The following ANKRD36 variants were observed in gnomAD, a reference collection of about 807,000 sequenced individuals.
ANKRD36 encodes the protein ankyrin repeat domain-containing protein 36A.
ANKRD36 carries 179 observed loss-of-function variants against 278.1 expected under a neutral mutation model. The observed-to-expected ratio is 0.64, with a 90% CI of 0.57 to 0.73. The LOEUF is 0.73. ANKRD36 is among the 30% of genes least tolerant of loss of function. The pLI is 0.00. For synonymous variants in ANKRD36, 320 were observed against 641.1 expected (o/e 0.50, Z 7.57); for missense variants, 1,159 against 1,956.7 (o/e 0.59, Z 7.69).
Position 97,164,386 on chromosome 2 carries a change from A to G in ANKRD36, c.1459-11A>G. ...TGATATGTTAATCATTATGTTGTCA[A>G]ACCCATTCAGCATACGGTGAAAGAC... On this transcript the variant is annotated splice_polypyrimidine_tract_variant and intron_variant, in intron 19 of 75. Coordinates refer to ENST00000420699, the MANE Select transcript of ANKRD36 (RefSeq NM_001354587.1). 6.5e-7 allele frequency: 1 copy of G among 1,537,640 alleles called. No individual in the cohort carries two copies. Among genetic ancestry groups the G allele is most frequent in the Non-Finnish European group, 8.7e-7 (1 of 1,146,868 alleles).
At position 97,155,113 on chromosome 2, in the gene ANKRD36, A is replaced by C. The variant is rs2047141480; in HGVS notation, c.1260+372A>C. On this transcript the variant is annotated intron_variant, in intron 15 of 75. Coordinates refer to ENST00000420699, the MANE Select transcript of ANKRD36 (RefSeq NM_001354587.1). ...AGTTGTATATCATATGAGTATGACT[A>C]ATAATACCTCTGTTTAAATGAATCT... Among the ~76,000 whole-genome samples the C allele has an allele frequency of 1.4e-5, 2 of 138,408 alleles. 1 individual carries two copies. The highest frequency in any genetic ancestry group is 3.3e-5 in the Non-Finnish European group (2 of 60,160). The allele number at this position is 138,408 out of a possible 152,430, so 90.8% of individuals were successfully genotyped here.
At chr2:97,214,603 TTGA>T (rs1326085025) in intron 60 of ANKRD36, among the ~76,000 whole-genome samples, 3 of 146,938 alleles carry the variant, frequency 2.0e-5, no homozygotes, top group Middle Eastern at 6.9e-3. Context: ...AAATTGATAA[TTGA>T]TGATGCTTTT....
rs554654231 is a variant in ANKRD36, at chr2:97,182,181, A to G, written c.1837+388A>G. Among the ~76,000 whole-genome samples, 5 of 151,498 alleles carry G rather than the reference A, an allele frequency of 3.3e-5. No homozygotes were observed. In the East Asian group the frequency reaches 9.8e-4, roughly 30 times the overall value. On this transcript the variant is annotated intron_variant, in intron 26 of 75. Transcript: ENST00000420699. ...GGGAAATCATGGTAATAACCCATAA[A>G]CACTGTAGAACGAGAGCTAAGGAGA...
intron 66 of ANKRD36, among the ~76,000 whole-genome samples, chr2:97,221,741 G>A (rs1346391312): frequency 1.3e-5 from 2 of 149,734 alleles, no homozygotes; most frequent in African/African-American, 2.5e-5. Context: ...CTGTTCACTC[G>A]GATGGTAGTT....
chr2:97,167,357 G>A (rs1193825405), intron 20 of ANKRD36, among the ~76,000 whole-genome samples: 1 of 151,818 alleles, frequency 6.6e-6, no homozygotes, highest in Non-Finnish European at 1.5e-5. Context: ...TTTCTTCAGG[G>A]TACACCATAG....
At chr2:97,211,773 C>G in intron 58 of ANKRD36, 32 bp downstream of exon 58, 1 of 1,548,844 alleles carries the variant, frequency 6.5e-7, no homozygotes, top group Non-Finnish European at 8.7e-7. Flanking sequence ...ATATGATGTT[C>G]GGTCAGGGTA....
intron 67 of ANKRD36, among the ~76,000 whole-genome samples, chr2:97,231,714 C>T (rs2072178371): frequency 6.6e-6 from 1 of 152,104 alleles, no homozygotes; most frequent in Non-Finnish European, 1.5e-5. Context: ...CAGAAACCAC[C>T]CATCTTCTGC....
At chr2:97,138,191 A>C (rs1203193688) in intron 6 of ANKRD36, among the ~76,000 whole-genome samples, 2 of 152,106 alleles carry the variant, frequency 1.3e-5, no homozygotes, top group Non-Finnish European at 2.9e-5. Flanking sequence ...TATATTTAGA[A>C]AAACAAATTG....
intron 6 of ANKRD36, among the ~76,000 whole-genome samples, chr2:97,132,062 T>C (rs1156805701): frequency 6.6e-6 from 1 of 151,890 alleles, no homozygotes; most frequent in African/African-American, 2.4e-5. Flanking sequence ...CTCCTGACCT[T>C]GTGATCTGCC....
chr2:97,229,706 T>C (rs2071221902), intron 67 of ANKRD36, among the ~76,000 whole-genome samples: 12 of 152,088 alleles, frequency 7.9e-5, no homozygotes, highest in Admixed American at 7.9e-4. Context: ...ATTTTGCTAA[T>C]TAGTTAATGC....
chr2:97,210,962 TG>T (rs1216690024), intron 56 of ANKRD36, among the ~76,000 whole-genome samples: 2 of 151,868 alleles, frequency 1.3e-5, no homozygotes, highest in East Asian at 2.0e-4. Flanking sequence ...TTACACCACA[TG>T]GGGGTGAGAG....
intron 13 of ANKRD36, 56 bp downstream of exon 13, chr2:97,151,995 T>C: frequency 7.5e-7 from 1 of 1,336,478 alleles, no homozygotes; most frequent in South Asian, 1.4e-5. Context: ...ATTTGTTTTT[T>C]TTTTTTCTTT....
chr2:97,181,260 C>T (rs149677496), intron 24 of ANKRD36, among the ~76,000 whole-genome samples: 2 of 151,774 alleles, frequency 1.3e-5, no homozygotes, highest in East Asian at 3.9e-4. Flanking sequence ...CATATACCAC[C>T]TGCTTTGACA....
At chr2:97,130,481 G>T (rs953035414) in intron 6 of ANKRD36, among the ~76,000 whole-genome samples, 1 of 151,040 alleles carries the variant, frequency 6.6e-6, no homozygotes, top group Admixed American at 6.7e-5. Flanking sequence ...AACATTAGGA[G>T]ATCTACCTAA....
chr2:97,203,314 A>G (rs1367975895), intron 48 of ANKRD36, among the ~76,000 whole-genome samples: 4 of 151,842 alleles, frequency 2.6e-5, no homozygotes, highest in African/African-American at 7.3e-5. Flanking sequence ...AAAACTGATC[A>G]ATATCTAATG....
Position 97,142,566 on chromosome 2 carries a change from T to A in ANKRD36, c.800-74T>A, listed in dbSNP as rs2043173098. On this transcript the variant is annotated intron_variant, in intron 6 of 75. Coordinates refer to ENST00000420699, the MANE Select transcript of ANKRD36 (RefSeq NM_001354587.1). ...GGGGCAGGAGGATACAGCTTGATGG[T>A]AACAGTGCATGAATGTATGGATAAT... 9.6e-5 allele frequency: 153 copies of A among 1,599,034 alleles called. No homozygotes were observed. In the South Asian group the frequency reaches 1.6e-3, roughly 17 times the overall value.
intron 22 of ANKRD36, among the ~76,000 whole-genome samples, chr2:97,177,020 T>G (rs2054468487): frequency 6.6e-6 from 1 of 151,584 alleles, no homozygotes; most frequent in African/African-American, 2.4e-5. Flanking sequence ...ACAAGCATTC[T>G]TATACACCAA....
chr2:97,188,419 G>C lies in ANKRD36; in HGVS notation c.2144-668G>C, dbSNP rs371329217. 1.8e-3 allele frequency among the ~76,000 whole-genome samples: 267 copies of C among 151,712 alleles called. 1 individual carries two copies. The highest frequency in any genetic ancestry group is 5.8e-3 in the African/African-American group (240 of 41,470). ...ATTTTTATTGAGGCTGATATATTAT[G>C]CTTTGGTGCCACGACTGGATGAAGA... On this transcript the variant is annotated intron_variant, in intron 32 of 75. Transcript: ENST00000420699.
intron 44 of ANKRD36, among the ~76,000 whole-genome samples, chr2:97,199,662 T>G (rs2153590254): frequency 6.6e-6 from 1 of 152,044 alleles, no homozygotes; most frequent in African/African-American, 2.4e-5. Context: ...GCTAATATAT[T>G]ATCCTTCGGT....
Sources: allele counts gnomAD v4.1 joint callset (sites outside exome capture counted in the v4.1 genomes callset), GRCh38; gene constraint gnomAD v4.1.1; transcripts MANE v1.5; gene names NCBI Gene and HGNC (gene_info 2026-07-23, HGNC 2026-07-21).